Variants in CLTB observed in about 807,000 individuals in gnomAD.
The protein encoded by CLTB is clathrin, light chain (Lcb).
In CLTB, 10 loss-of-function variants were observed where a neutral mutation model predicts 30.5. The observed-to-expected ratio is 0.33, with a 90% CI of 0.20 to 0.56. The LOEUF is 0.56. Ranked by LOEUF, CLTB falls within the 20% of genes least tolerant of loss-of-function variation. The pLI is 0.91. For missense variants in CLTB, 261 were observed against 308.3 expected, an observed-to-expected ratio of 0.85 and a Z score of 1.15; for synonymous variants, 102 against 120.3, an observed-to-expected ratio of 0.85 and a Z score of 1.00.
At chr5:176,407,365 T>G (rs992172032) in intron 2 of CLTB, among the ~76,000 whole-genome samples, 1 of 152,200 alleles carries the variant, frequency 6.6e-6, no homozygotes, top group Non-Finnish European at 1.5e-5. Context: ...GAGTGCAGTG[T>G]GCGATCTCAG....
intron 2 of CLTB, among the ~76,000 whole-genome samples, chr5:176,407,846 A>C (rs569233119): frequency 6.6e-6 from 1 of 152,286 alleles, no homozygotes; most frequent in Non-Finnish European, 1.5e-5. Context: ...TAGTTGAGTA[A>C]TTTTCCAGAA....
At chr5:176,414,413 G>A (rs1442638683) in intron 1 of CLTB, among the ~76,000 whole-genome samples, 3 of 151,412 alleles carry the variant, frequency 2.0e-5, no homozygotes, top group Non-Finnish European at 4.4e-5. Context: ...TCCTGCCAGG[G>A]AGGTGACTGC....
chr5:176,396,874 G>A (rs944881222), intron 4 of CLTB, among the ~76,000 whole-genome samples: 14 of 151,934 alleles, frequency 9.2e-5, no homozygotes, highest in African/African-American at 1.2e-4. Context: ...CTCTCCCACC[G>A]CTCCCTGGCC....
At chr5:176,399,090 G>A (rs1252543248) in intron 2 of CLTB, among the ~76,000 whole-genome samples, 8 of 152,066 alleles carry the variant, frequency 5.3e-5, no homozygotes, top group East Asian at 3.9e-4. Flanking sequence ...GTGATCCACC[G>A]GCCTCGGCCT....
At chr5:176,408,813 C>A (rs1299262283) in intron 2 of CLTB, among the ~76,000 whole-genome samples, 3 of 152,202 alleles carry the variant, frequency 2.0e-5, no homozygotes, top group Admixed American at 6.5e-5. Flanking sequence ...AGCCGCCGTG[C>A]CCGGCTGGGT....
intron 2 of CLTB, 31 bp from the exon 3 acceptor site, chr5:176,398,078 G>A: frequency 6.3e-7 from 1 of 1,593,934 alleles, no homozygotes; most frequent in South Asian, 1.1e-5. Context: ...AGTCTATCCA[G>A]CCAGCACACC....
chr5:176,416,315 C>G lies in CLTB; in HGVS notation c.49G>C (p.Glu17Gln). The change falls in exon 1 of 6, where the codon GAG (glutamate) becomes CAG (glutamine). Residue 17 changes from glutamate (E) to glutamine (Q), a missense_variant. Physicochemically the swap from Glu to Gln is conservative, Grantham distance 29 (BLOSUM62 2). Coordinates refer to ENST00000310418, the MANE Select transcript of CLTB (RefSeq NM_007097.5). Reference sequence around the variant, plus strand: ...GCCGCCGGGTCCTCCTCCGCCGCCTCCGGGGCACCGCTCTCCGACGACGAG... The same window carrying G: ...GCCGCCGGGTCCTCCTCCGCCGCCTGCGGGGCACCGCTCTCCGACGACGAG... ...FFSSSESGAP[E>Q]AAEEDPAAAF... 1.2e-6 allele frequency: 2 copies of G among 1,603,764 alleles called. No individual in the cohort carries two copies. Among genetic ancestry groups the G allele is most frequent in the Non-Finnish European group, 1.7e-6 (2 of 1,176,726 alleles).
At chr5:176,406,769 G>A in intron 2 of CLTB, 1 of 1,208,852 alleles carries the variant, frequency 8.3e-7, no homozygotes, top group Non-Finnish European at 1.1e-6. Context: ...GAAAGTGTTG[G>A]GTGTGCACAG....
At chr5:176,407,358 T>C (rs958888746) in intron 2 of CLTB, among the ~76,000 whole-genome samples, 1 of 152,156 alleles carries the variant, frequency 6.6e-6, no homozygotes, top group Non-Finnish European at 1.5e-5. Context: ...CAGGCTGGAG[T>C]GCAGTGTGCG....
rs1281871844 is a variant in CLTB at position 176,416,167 on chromosome 5, G to A, written c.187+10C>T. On this transcript the variant is annotated intron_variant, in intron 1 of 5. Coordinates refer to ENST00000310418, the MANE Select transcript of CLTB (RefSeq NM_007097.5). ...CCCTGAGCCCCTCTCCAGGCCCCGC[G>A]CTGACTCACCCCCACTCGTGGGGCC... 1.2e-5 allele frequency: 19 copies of A among 1,562,688 alleles called. No homozygotes were observed. Among genetic ancestry groups the A allele is most frequent in the East Asian group, 2.5e-5 (1 of 40,032 alleles).
intron 2 of CLTB, among the ~76,000 whole-genome samples, chr5:176,398,778 C>T (rs1381233630): frequency 2.0e-5 from 3 of 151,944 alleles, no homozygotes; most frequent in African/African-American, 7.3e-5. Context: ...CTTGTGTTAC[C>T]GTCATTAAAA....
At chr5:176,413,546 A>G (rs1757551199) in intron 1 of CLTB, among the ~76,000 whole-genome samples, 1 of 152,224 alleles carries the variant, frequency 6.6e-6, no homozygotes. Flanking sequence ...GGGGCAACTG[A>G]GCCCAGTGTC....
At chr5:176,401,755 A>G (rs1425415270) in intron 2 of CLTB, 1 of 456,244 alleles carries the variant, frequency 2.2e-6, no homozygotes, top group South Asian at 1.5e-5. Flanking sequence ...TAAAATGAAA[A>G]CAGCGACACT....
rs774449009 is a variant in CLTB, at chr5:176,392,779, G to A, written c.685C>T (p.Arg229Cys). 5.0e-6 allele frequency: 8 copies of A among 1,613,890 alleles called. No homozygotes were observed. Among genetic ancestry groups the A allele is most frequent in the African/African-American group, 2.7e-5 (2 of 74,924 alleles). Residue 229 changes from arginine to cysteine, a missense_variant, in exon 6 of 6, where the codon CGC (arginine) becomes TGC (cysteine). Around this residue, in one of 3 missense-constraint regions of CLTB, gnomAD observed 25 missense variants for 48.8 expected, o/e 0.51. Coordinates refer to ENST00000310418, the MANE Select transcript of CLTB (RefSeq NM_007097.5). This position sits in a 1 kb window ranked among gnomAD's most constrained non-coding sequence, Gnocchi z 5.2. ...GCCATGCACCTAGCAGGCACCTAGC[G>A]GGACAGTGGCGTCTGCTTCAGGGAC... Reference protein sequence around the residue: ...LMSLKQTPLSR With the variant: ...LMSLKQTPLSC
rs1561794072 is a variant in CLTB at position 176,399,961 on chromosome 5, G to A, written c.235-1914C>T. Reference sequence around the variant, plus strand: ...AATCCCAGCACTTTGGGAGGCCAAGGTGGGTGCATCACATGAGGTCAGGAG... The same window carrying A: ...AATCCCAGCACTTTGGGAGGCCAAGATGGGTGCATCACATGAGGTCAGGAG... On this transcript the variant is annotated intron_variant, in intron 2 of 5. Transcript: ENST00000310418. Among the ~76,000 whole-genome samples the A allele has an allele frequency of 2.6e-5, 4 of 151,944 alleles. No individual in the cohort carries two copies. In the South Asian group the frequency reaches 8.3e-4, roughly 31 times the overall value.
At chr5:176,399,364 G>A (rs978802184) in intron 2 of CLTB, among the ~76,000 whole-genome samples, 23 of 152,162 alleles carry the variant, frequency 1.5e-4, no homozygotes, top group Admixed American at 2.6e-4. Flanking sequence ...AGGCTGTCTC[G>A]GTTCAGATGC....
intron 2 of CLTB, among the ~76,000 whole-genome samples, chr5:176,403,022 C>T (rs1756901703): frequency 6.6e-6 from 1 of 151,644 alleles, no homozygotes; most frequent in South Asian, 2.1e-4. Flanking sequence ...TCCTTCAGGG[C>T]CCGCCATCTC....
At chr5:176,399,784 G>T (rs1302965429) in intron 2 of CLTB, among the ~76,000 whole-genome samples, 1 of 151,548 alleles carries the variant, frequency 6.6e-6, no homozygotes, top group Non-Finnish European at 1.5e-5. Context: ...TCTGGGACTT[G>T]GGAGAATCGC....
intron 2 of CLTB, among the ~76,000 whole-genome samples, chr5:176,401,280 C>G (rs946035637): frequency 6.6e-6 from 1 of 152,196 alleles, no homozygotes; most frequent in Non-Finnish European, 1.5e-5. Context: ...TCCAGGTGCC[C>G]TATTTTATTT....
Sources: allele counts gnomAD v4.1 joint callset (sites outside exome capture counted in the v4.1 genomes callset), GRCh38; gene constraint gnomAD v4.1.1; regional missense constraint gnomAD v4.1.1; non-coding constraint Gnocchi (gnomAD v3.1); transcripts MANE v1.5; gene names NCBI Gene and HGNC (gene_info 2026-07-23, HGNC 2026-07-21).